EYA4: variants seen among roughly 807,000 people sequenced by gnomAD.
EYA4 encodes EYA transcriptional coactivator and phosphatase 4, also known as protein phosphatase EYA4.
A neutral mutation model predicts 87.9 loss-of-function variants in EYA4; 31 were observed. The ratio of observed to expected loss-of-function variants is 0.35; its 90% CI spans 0.27 to 0.48. EYA4 has a LOEUF of 0.48. Ranked by LOEUF, EYA4 falls within the 20% of genes least tolerant of loss-of-function variation. The probability of loss-of-function intolerance (pLI) is 0.99; values close to 1 mark genes in which losing one functional copy is unlikely to be tolerated. For synonymous variants in EYA4, 263 were observed against 270.6 expected (o/e 0.97, Z 0.28); for missense variants, 678 against 761.4 (o/e 0.89, Z 1.29).
chr6:133,449,125 T>C (rs1270916615), intron 5 of EYA4, among the ~76,000 whole-genome samples: 1 of 152,250 alleles, frequency 6.6e-6, no homozygotes, highest in Non-Finnish European at 1.5e-5. Context: ...CTTAATTCTA[T>C]AGCAGGGTCT....
At chr6:133,245,581 A>T (rs1349922782) in intron 1 of EYA4, among the ~76,000 whole-genome samples, 1 of 152,204 alleles carries the variant, frequency 6.6e-6, no homozygotes, top group Non-Finnish European at 1.5e-5. Context: ...TGCTTCTCTC[A>T]TGAATTTTTC....
chr6:133,496,772 C>A (rs904394827), intron 13 of EYA4, among the ~76,000 whole-genome samples: 2 of 152,158 alleles, frequency 1.3e-5, no homozygotes, highest in Admixed American at 6.5e-5. Flanking sequence ...CTATCATCTA[C>A]CTCCTAGGTT....
chr6:133,430,155 A>G (rs1204539343), intron 3 of EYA4, among the ~76,000 whole-genome samples: 2 of 152,214 alleles, frequency 1.3e-5, no homozygotes. Context: ...TTCACTTAGG[A>G]TAATGACCTC....
chr6:133,496,405 C>T (rs548252169), intron 13 of EYA4, among the ~76,000 whole-genome samples: 1 of 152,256 alleles, frequency 6.6e-6, no homozygotes, highest in South Asian at 2.1e-4. Context: ...TGACCGAGAG[C>T]ATCACTGTAT....
intron 2 of EYA4, among the ~76,000 whole-genome samples, chr6:133,369,851 T>C (rs1785133933): frequency 6.6e-6 from 1 of 152,210 alleles, no homozygotes; most frequent in African/African-American, 2.4e-5. Flanking sequence ...TGCTAGAGTC[T>C]AGGAGTCAGG....
intron 3 of EYA4, among the ~76,000 whole-genome samples, chr6:133,386,661 G>T (rs185054410): frequency 8.3e-4 from 127 of 152,286 alleles, no homozygotes; most frequent in African/African-American, 2.6e-3. Flanking sequence ...TAACTAGAGA[G>T]TGAATAGAAA....
At chr6:133,313,877 G>C (rs1780424206) in intron 2 of EYA4, among the ~76,000 whole-genome samples, 2 of 143,240 alleles carry the variant, frequency 1.4e-5, no homozygotes, top group Non-Finnish European at 3.1e-5. Flanking sequence ...CTTTCCATGA[G>C]GATCTTTCTG....
chr6:133,282,060 A>G (rs555927961), intron 2 of EYA4, among the ~76,000 whole-genome samples: 1 of 152,046 alleles, frequency 6.6e-6, no homozygotes, highest in Non-Finnish European at 1.5e-5. Flanking sequence ...GCTATTGTGA[A>G]TAATGTCTTT....
intron 3 of EYA4, among the ~76,000 whole-genome samples, chr6:133,426,408 C>A (rs558049012): frequency 6.6e-6 from 1 of 152,220 alleles, no homozygotes; most frequent in East Asian, 1.9e-4. Context: ...CCAACATATG[C>A]CTCTTGTATT....
At chr6:133,524,996 G>A (rs1583566729) in intron 18 of EYA4, 158 bp from the exon 19 acceptor site, 1 of 1,589,788 alleles carries the variant, frequency 6.3e-7, no homozygotes. Context: ...GGAAGAATAA[G>A]CAGTGCATTG....
chr6:133,501,078 T>G lies in EYA4; in HGVS notation c.1192-5028T>G, dbSNP rs148566584. The stretch of plus-strand genomic sequence containing the variant: ...ACTCCTCACCTCTGGGCTCTGTGTA[T>G]GTTCGCTACTATTGCACCTGTTCAT... On this transcript the variant is annotated intron_variant, in intron 13 of 19. Coordinates refer to ENST00000355286, the MANE Select transcript of EYA4 (RefSeq NM_004100.5). Among the ~76,000 whole-genome samples the G allele has an allele frequency of 1.6e-3, 241 of 152,226 alleles. 1 individual carries two copies. The highest frequency in any genetic ancestry group is 5.6e-3 in the African/African-American group (233 of 41,540).
intron 3 of EYA4, among the ~76,000 whole-genome samples, chr6:133,400,123 A>C (rs1788131798): frequency 6.6e-6 from 1 of 152,192 alleles, no homozygotes; most frequent in South Asian, 2.1e-4. Context: ...TTTTCTATTC[A>C]AGAGTTTCAT....
intron 3 of EYA4, among the ~76,000 whole-genome samples, chr6:133,403,536 TATA>T (rs1262650802): frequency 1.3e-5 from 2 of 152,240 alleles, no homozygotes; most frequent in African/African-American, 4.8e-5. Flanking sequence ...ACACATAGTA[TATA>T]ATGTTAATTC....
chr6:133,472,928 T>G (rs182487895), intron 11 of EYA4, among the ~76,000 whole-genome samples: 8 of 151,738 alleles, frequency 5.3e-5, no homozygotes, highest in Admixed American at 3.3e-4. Context: ...CCTGCCTTTT[T>G]TTGTTTTCCA....
chr6:133,391,229 T>G (rs1024424688), intron 3 of EYA4, among the ~76,000 whole-genome samples: 3 of 149,774 alleles, frequency 2.0e-5, no homozygotes, highest in African/African-American at 4.9e-5. Context: ...TTTGTTTTTT[T>G]TTTTTTTTTG....
At chr6:133,489,868 G>GT (rs1163006413) in intron 13 of EYA4, among the ~76,000 whole-genome samples, 2 of 151,902 alleles carry the variant, frequency 1.3e-5, no homozygotes, top group African/African-American at 4.8e-5. Context: ...ACAGAATAGT[G>GT]TAACACTGTA....
intron 2 of EYA4, among the ~76,000 whole-genome samples, chr6:133,307,222 C>T (rs1350328803): frequency 1.3e-5 from 2 of 152,166 alleles, no homozygotes; most frequent in East Asian, 3.9e-4. Flanking sequence ...CGTCTTAGCT[C>T]CCTGAGGTTT....
At chr6:133,275,911 A>G (rs1359633267) in intron 2 of EYA4, among the ~76,000 whole-genome samples, 1 of 152,226 alleles carries the variant, frequency 6.6e-6, no homozygotes, top group African/African-American at 2.4e-5. Context: ...AATTTGTCAA[A>G]TGGTAGAGAT....
chr6:133,429,271 AT>A (rs755326086), intron 3 of EYA4, among the ~76,000 whole-genome samples: 4 of 152,074 alleles, frequency 2.6e-5, no homozygotes, highest in Admixed American at 6.5e-5. Flanking sequence ...TGAGAGGTGA[AT>A]ACCTGAATAA....
Sources: gnomAD v4.1 joint callset for allele counts (sites outside exome capture counted in the v4.1 genomes callset) on GRCh38, gnomAD v4.1.1 for gene constraint, MANE v1.5 for transcripts, NCBI Gene and HGNC (gene_info 2026-07-23, HGNC 2026-07-21) for gene names.